Variants in LIPM observed in about 807,000 individuals in gnomAD.
The protein encoded by LIPM is lipase member M.
In LIPM, 42 loss-of-function variants were observed where a neutral mutation model predicts 42.4. The observed-to-expected ratio is 0.99, with a 90% CI of 0.77 to 1.28. The LOEUF is 1.28. Among genes scored for constraint, LIPM ranks in the 50% most tolerant of loss-of-function variants. The probability of loss-of-function intolerance (pLI) is 0.00; values close to 1 mark genes in which losing one functional copy is unlikely to be tolerated. For synonymous variants in LIPM, 177 were observed against 173.3 expected (o/e 1.02, Z -0.17); for missense variants, 524 against 520.1 (o/e 1.01, Z -0.07).
At chr10:88,814,448 G>A (rs1314924432) in intron 3 of LIPM, 82 bp from the exon 4 acceptor site, 4 of 907,606 alleles carry the variant, frequency 4.4e-6, no homozygotes, top group Non-Finnish European at 6.9e-6. Flanking sequence ...TCAAGGGCTT[G>A]TTTGTAAACC....
Position 88,820,348 on chromosome 10 carries a change from C to T in LIPM, c.1119C>T (p.Thr373=). The change falls in exon 9 of 9, where the codon ACC becomes ACT. Residue 373 remains threonine, a synonymous_variant. Coordinates refer to ENST00000404743, the MANE Select transcript of LIPM (RefSeq NM_001128215.1). The part of the protein sequence containing the change: ...EDVKMLLSEV[T]NLIYHKNIPE... Reference sequence around the variant, plus strand: ...TGAAAATGCTGCTCTCTGAGGTGACCAACCTCATCTACCATAAGAATATTC... The same window carrying T: ...TGAAAATGCTGCTCTCTGAGGTGACTAACCTCATCTACCATAAGAATATTC... 6.4e-7 allele frequency: 1 copy of T among 1,552,262 alleles called. No homozygotes were observed. The highest frequency in any genetic ancestry group is 8.7e-7 in the Non-Finnish European group (1 of 1,147,098).
At chr10:88,808,494 G>C in intron 2 of LIPM, 79 bp downstream of exon 2, 6 of 856,686 alleles carry the variant, frequency 7.0e-6, no homozygotes, top group Non-Finnish European at 3.8e-6. Context: ...ATGTAGAAGA[G>C]AGCCTGGGTT....
chr10:88,804,642 C>A (rs939135723), intron 1 of LIPM, among the ~76,000 whole-genome samples: 1 of 152,056 alleles, frequency 6.6e-6, no homozygotes, highest in Admixed American at 6.6e-5. Context: ...TGCTCATTAG[C>A]ATAAGACACT....
chr10:88,813,005 C>G (rs1032137754), intron 2 of LIPM, 92 bp from the exon 3 acceptor site: 92 of 1,092,790 alleles, frequency 8.4e-5, no homozygotes, highest in Non-Finnish European at 1.1e-4. Flanking sequence ...GATCTGAACA[C>G]AGGTTTGTTT....
Position 88,815,231 on chromosome 10 carries a change from G to A in LIPM, c.711+7G>A, listed in dbSNP as rs1564598351. The A allele has an allele frequency of 6.5e-7, 1 of 1,549,934 alleles. No homozygotes were observed. Among genetic ancestry groups the A allele is most frequent in the Non-Finnish European group, 8.7e-7 (1 of 1,146,544 alleles). On this transcript the variant is annotated splice_region_variant and intron_variant, in intron 5 of 8. Transcript: ENST00000404743. ...GCCAGATATGATGATCAAGGTATGA[G>A]ACTCCTCAGAAAACTTCCTGTGTAC...
intron 3 of LIPM, 65 bp downstream of exon 3, chr10:88,813,360 T>C: frequency 7.7e-7 from 1 of 1,297,898 alleles, no homozygotes; most frequent in Non-Finnish European, 1.0e-6. Flanking sequence ...GGTAAAAAAT[T>C]ACGGCTTCTA....
chr10:88,814,071 C>CTTACCTCTCATGTTCTTACAAAAGATT (rs1162729388), intron 3 of LIPM, among the ~76,000 whole-genome samples: 6 of 152,210 alleles, frequency 3.9e-5, no homozygotes, highest in Non-Finnish European at 8.8e-5. Flanking sequence ...ATCGATTTGA[C>CTTACCTCTCATGTTCTTACAAAAGATT]TTACCTCTCA....
intron 7 of LIPM, 120 bp downstream of exon 7, chr10:88,817,007 A>C (rs1307603674): frequency 1.3e-6 from 1 of 752,756 alleles, no homozygotes; most frequent in Admixed American, 2.1e-5. Context: ...GATGAAATGC[A>C]GTATCGTCGA....
chr10:88,803,172 A>C, intron 1 of LIPM, 129 bp downstream of exon 1: 1 of 1,034,974 alleles, frequency 9.7e-7, no homozygotes. Context: ...ATGAAGTAGC[A>C]AATTGTACTG....
intron 6 of LIPM, 30 bp downstream of exon 6, chr10:88,815,533 T>C (rs996298262): frequency 1.9e-6 from 3 of 1,547,056 alleles, no homozygotes; most frequent in Non-Finnish European, 2.6e-6. Context: ...ATTCCCAGCA[T>C]CCCAGCATAA....
chr10:88,803,451 C>A (rs1306620841), intron 1 of LIPM, among the ~76,000 whole-genome samples: 4 of 152,092 alleles, frequency 2.6e-5, no homozygotes, highest in Non-Finnish European at 5.9e-5. Context: ...GCTATCAGGG[C>A]ACACACTTCT....
intron 7 of LIPM, 57 bp downstream of exon 7, chr10:88,816,944 T>C: frequency 1.6e-6 from 2 of 1,282,604 alleles, no homozygotes; most frequent in South Asian, 1.3e-5. Context: ...TTGTGTAGAA[T>C]AGTCAAAGGA....
intron 1 of LIPM, among the ~76,000 whole-genome samples, chr10:88,806,667 T>C (rs1418887724): frequency 2.0e-5 from 3 of 152,136 alleles, no homozygotes. Context: ...TGATGCATGC[T>C]AAAATTTGAG....
chr10:88,803,619 G>GTT (rs34653288), intron 1 of LIPM, among the ~76,000 whole-genome samples: 1,705 of 122,044 alleles, frequency 0.014, 33 homozygotes, highest in Non-Finnish European at 0.021. Flanking sequence ...TTCCCAGGAG[G>GTT]TTTTTTTTTT....
chr10:88,817,019 G>A (rs1368883582), intron 7 of LIPM, 132 bp downstream of exon 7: 3 of 707,500 alleles, frequency 4.2e-6, no homozygotes, highest in South Asian at 1.7e-5. Flanking sequence ...TATCGTCGAT[G>A]CTATTTTGAT....
At chr10:88,808,489 G>A (rs1843615699) in intron 2 of LIPM, 74 bp downstream of exon 2, 10 of 894,804 alleles carry the variant, frequency 1.1e-5, no homozygotes, top group Non-Finnish European at 1.8e-5. Flanking sequence ...TTTGAATGTA[G>A]AAGAGAGCCT....
intron 2 of LIPM, among the ~76,000 whole-genome samples, chr10:88,812,181 C>T (rs1843663743): frequency 6.6e-6 from 1 of 152,116 alleles, no homozygotes; most frequent in Admixed American, 6.6e-5. Flanking sequence ...ATGTTTTTGG[C>T]AGGAATAACC....
chr10:88,810,154 A>G (rs1354836161), intron 2 of LIPM, among the ~76,000 whole-genome samples: 1 of 152,236 alleles, frequency 6.6e-6, no homozygotes, highest in African/African-American at 2.4e-5. Flanking sequence ...ACCAGTAACT[A>G]AATGAGTGCT....
intron 2 of LIPM, among the ~76,000 whole-genome samples, chr10:88,810,622 T>C (rs1228991276): frequency 6.6e-6 from 1 of 152,244 alleles, no homozygotes; most frequent in Non-Finnish European, 1.5e-5. Flanking sequence ...CTTTTTATCT[T>C]TATCAAAGAA....
Sources: allele counts gnomAD v4.1 joint callset (sites outside exome capture counted in the v4.1 genomes callset), GRCh38; gene constraint gnomAD v4.1.1; transcripts MANE v1.5; gene names NCBI Gene and HGNC (gene_info 2026-07-23, HGNC 2026-07-21).